CYFIP2: variants seen among roughly 807,000 people sequenced by gnomAD.
CYFIP2 encodes the protein cytoplasmic FMR1-interacting protein 2.
Under a neutral mutation model 158.7 loss-of-function variants are expected in CYFIP2, and 29 were observed. That is an observed-to-expected ratio of 0.18 (90% CI 0.14 to 0.25). The LOEUF is 0.25. Ranked by LOEUF, CYFIP2 falls within the 10% of genes least tolerant of loss-of-function variation. The pLI, the probability that CYFIP2 is intolerant of heterozygous loss-of-function variation, is 1.00. For synonymous variants in CYFIP2, 585 were observed against 617.6 expected, an observed-to-expected ratio of 0.95 and a Z score of 0.78; for missense variants, 852 against 1,639.5, an observed-to-expected ratio of 0.52 and a Z score of 8.29.
intron 26 of CYFIP2, among the ~76,000 whole-genome samples, chr5:157,369,708 C>T (rs1439668597): frequency 6.6e-6 from 1 of 152,114 alleles, no homozygotes; most frequent in Non-Finnish European, 1.5e-5. Flanking sequence ...TTACAGTCTG[C>T]GCTACTGAGT....
At chr5:157,331,472 C>T (rs10085139) in intron 20 of CYFIP2, among the ~76,000 whole-genome samples, 68,510 of 150,200 alleles carry the variant, frequency 0.46, 17,175 homozygotes, top group African/African-American at 0.68. Context: ...TATGCTGTGA[C>T]GTCTGTGTGC....
chr5:157,309,628 A>G (rs1030581685), intron 9 of CYFIP2, 115 bp from the exon 10 acceptor site: 29 of 876,922 alleles, frequency 3.3e-5, no homozygotes, highest in Non-Finnish European at 4.5e-5. Context: ...AGCAGAAACT[A>G]GGGGTCGGCC....
chr5:157,381,348 C>T (rs6555977), intron 26 of CYFIP2, among the ~76,000 whole-genome samples: 136,434 of 150,838 alleles, frequency 0.9, 61,940 homozygotes, highest in East Asian at 1. Flanking sequence ...AATGCTATCA[C>T]ATTGTAGGTA....
intron 26 of CYFIP2, among the ~76,000 whole-genome samples, chr5:157,373,012 G>C (rs1765135488): frequency 6.6e-6 from 1 of 152,168 alleles, no homozygotes; most frequent in Admixed American, 6.5e-5. Flanking sequence ...CTTGAGCCGA[G>C]AGAGGGTCAT....
intron 27 of CYFIP2, 59 bp downstream of exon 27, chr5:157,382,721 C>T: frequency 6.5e-7 from 1 of 1,530,742 alleles, no homozygotes; most frequent in South Asian, 1.1e-5. Context: ...ATTCTCACTT[C>T]CTAATTGCAG....
chr5:157,369,551 G>A (rs1470471584), intron 26 of CYFIP2, among the ~76,000 whole-genome samples: 1 of 152,138 alleles, frequency 6.6e-6, no homozygotes, highest in East Asian at 1.9e-4. Flanking sequence ...TTGAGACAGA[G>A]GCAATCCATC....
At chr5:157,274,929 ATTTATT>A (rs1209658964) in intron 1 of CYFIP2, among the ~76,000 whole-genome samples, 2 of 152,006 alleles carry the variant, frequency 1.3e-5, no homozygotes, top group Admixed American at 6.6e-5. Flanking sequence ...CATTTTTTAA[ATTTATT>A]TTTATTTAAA....
intron 28 of CYFIP2, chr5:157,384,196 T>C (rs1344250757): frequency 2.3e-6 from 1 of 431,872 alleles, no homozygotes; most frequent in East Asian, 7.1e-5. Flanking sequence ...TCAAGATGAG[T>C]AAGACAGGAC....
At chr5:157,348,174 C>A (rs1004496249) in intron 23 of CYFIP2, among the ~76,000 whole-genome samples, 4 of 152,240 alleles carry the variant, frequency 2.6e-5, no homozygotes, top group Non-Finnish European at 5.9e-5. Flanking sequence ...GAGCAAGGTT[C>A]TTCCACCCTT....
intron 20 of CYFIP2, among the ~76,000 whole-genome samples, chr5:157,331,600 C>G (rs1332866462): frequency 6.6e-6 from 1 of 151,808 alleles, no homozygotes; most frequent in African/African-American, 2.4e-5. Context: ...ATGAGAAATC[C>G]AAGGGAGATG....
At position 157,341,109 on chromosome 5, in the gene CYFIP2, A is replaced by G. The variant is rs1762217034; in HGVS notation, c.2625A>G (p.Gln875=). 1 of 1,613,950 alleles carries G rather than the reference A, an allele frequency of 6.2e-7. No homozygotes were observed. Among genetic ancestry groups the G allele is most frequent in the East Asian group, 2.2e-5 (1 of 44,884 alleles). ...CCATTCCTTTCACCCAAGAACCACAACGAGACAAACCTGCCAACGTCCAGC... is the reference window on the plus strand; with the variant it reads ...CCATTCCTTTCACCCAAGAACCACAGCGAGACAAACCTGCCAACGTCCAGC... ...RTAIPFTQEP[Q]RDKPANVQPY... The change falls in exon 23 of 31, where the codon CAA becomes CAG. Residue 875 remains glutamine, a synonymous_variant. Transcript: ENST00000620254.
At chr5:157,307,101 C>T (rs1286159356) in intron 8 of CYFIP2, among the ~76,000 whole-genome samples, 1 of 152,110 alleles carries the variant, frequency 6.6e-6, no homozygotes, top group Non-Finnish European at 1.5e-5. Context: ...GGGTTGGAAT[C>T]AAGAATGTCA....
Position 157,330,745 on chromosome 5 carries a change from C to T in CYFIP2, c.2160C>T (p.Val720=). Residue 720 remains valine, a synonymous_variant, in exon 20 of 31, where the codon GTC becomes GTT. Transcript: ENST00000620254. Reference sequence around the variant, plus strand: ...GTTTCACTTTTATTCCTTGCAGTGTCCTGTTGGATAAACGTTTTCGAGCTG... The same window carrying T: ...GTTTCACTTTTATTCCTTGCAGTGTTCTGTTGGATAAACGTTTTCGAGCTG... ...FAYYKAMAGS[V]LLDKRFRAEC... The T allele has an allele frequency of 6.2e-7, 1 of 1,613,658 alleles. No homozygotes were observed. The highest frequency in any genetic ancestry group is 8.5e-7 in the Non-Finnish European group (1 of 1,179,622).
At chr5:157,347,277 G>A (rs1762764133) in intron 23 of CYFIP2, among the ~76,000 whole-genome samples, 1 of 150,006 alleles carries the variant, frequency 6.7e-6, no homozygotes, top group Non-Finnish European at 1.5e-5. Context: ...AGACCAGCCT[G>A]GGTATTATAG....
chr5:157,391,546 T>C (rs1444328814), intron 30 of CYFIP2, among the ~76,000 whole-genome samples: 1 of 152,206 alleles, frequency 6.6e-6, no homozygotes, highest in Non-Finnish European at 1.5e-5. Context: ...AGTATTTGTC[T>C]TTTCGTGACT....
chr5:157,324,339 G>T (rs1760841667), intron 16 of CYFIP2, among the ~76,000 whole-genome samples: 2 of 152,196 alleles, frequency 1.3e-5, no homozygotes, highest in African/African-American at 4.8e-5. Context: ...AGTAGAGCGG[G>T]ATCAAAAACA....
intron 1 of CYFIP2, among the ~76,000 whole-genome samples, chr5:157,278,401 G>GA (rs1756730532): frequency 1.3e-5 from 2 of 152,076 alleles, no homozygotes; most frequent in South Asian, 4.1e-4. Flanking sequence ...GCCAAACTGG[G>GA]AAAAAAATAT....
At chr5:157,315,141 T>C in intron 13 of CYFIP2, 47 bp downstream of exon 13, 1 of 1,607,840 alleles carries the variant, frequency 6.2e-7, no homozygotes, top group South Asian at 1.1e-5. Context: ...AGGCTGCAGC[T>C]CATGGTGGTT....
At chr5:157,289,679 T>C (rs1362175976) in intron 3 of CYFIP2, among the ~76,000 whole-genome samples, 1 of 152,214 alleles carries the variant, frequency 6.6e-6, no homozygotes, top group East Asian at 1.9e-4. Flanking sequence ...GGCCTCATTT[T>C]AACTTAATTA....
Sources: gnomAD v4.1 joint callset for allele counts (sites outside exome capture counted in the v4.1 genomes callset) on GRCh38, gnomAD v4.1.1 for gene constraint, MANE v1.5 for transcripts, NCBI Gene and HGNC (gene_info 2026-07-23, HGNC 2026-07-21) for gene names.